ZNF804A: variants seen among roughly 807,000 people sequenced by gnomAD.
ZNF804A encodes the protein zinc finger protein 804A.
Under a neutral mutation model 16.5 loss-of-function variants are expected in ZNF804A, and 2 were observed. The observed-to-expected ratio is 0.12, with a 90% CI of 0.05 to 0.38. The LOEUF is 0.38. ZNF804A is among the 10% of genes least tolerant of loss of function. ZNF804A has a pLI of 0.99. For synonymous variants in ZNF804A, 534 were observed against 489.6 expected, an observed-to-expected ratio of 1.09 and a Z score of -1.20; for missense variants, 1,473 against 1,390.7, an observed-to-expected ratio of 1.06 and a Z score of -0.94.
intron 1 of ZNF804A, among the ~76,000 whole-genome samples, chr2:184,808,661 CA>C (rs953293623): frequency 3.1e-4 from 47 of 149,448 alleles, no homozygotes; most frequent in African/African-American, 1.1e-3. Flanking sequence ...TAAAGACACA[CA>C]AAAAAAAACT....
rs1685783705 is a variant in ZNF804A, at chr2:184,936,265, C to G, written c.869C>G (p.Thr290Ser). 1 of 1,613,850 alleles carries G rather than the reference C, an allele frequency of 6.2e-7. No homozygotes were observed. Among genetic ancestry groups the G allele is most frequent in the Non-Finnish European group, 8.5e-7 (1 of 1,179,958 alleles). The change falls in exon 4 of 4, where the codon ACT becomes AGT. Residue 290 changes from threonine to serine, a missense_variant. Physicochemically the swap from Thr to Ser is moderately conservative, Grantham distance 58. Transcript: ENST00000302277. ...PPEAMCRDKE[T>S]VQTQEIKEVS... ...GAGGCAATGTGCAGAGACAAAGAAA[C>G]TGTTCAAACTCAAGAGATAAAAGAA...
At chr2:184,755,569 A>G (rs1268184595) in intron 1 of ZNF804A, among the ~76,000 whole-genome samples, 1 of 151,986 alleles carries the variant, frequency 6.6e-6, no homozygotes, top group Non-Finnish European at 1.5e-5. Context: ...TGAGTTTTAG[A>G]ACGCAATAAA....
At chr2:184,783,145 T>TG (rs200269555) in intron 1 of ZNF804A, among the ~76,000 whole-genome samples, 3,995 of 137,696 alleles carry the variant, frequency 0.029, 181 homozygotes, top group African/African-American at 0.099. Context: ...TGAGTTTTTT[T>TG]TTTTTTTTTT....
intron 1 of ZNF804A, among the ~76,000 whole-genome samples, chr2:184,732,011 A>G (rs1693528338): frequency 6.6e-6 from 1 of 152,098 alleles, no homozygotes; most frequent in Non-Finnish European, 1.5e-5. Context: ...TTGTATTTTT[A>G]TCCTCTTGAC....
chr2:184,646,898 G>T (rs191985026), intron 1 of ZNF804A, among the ~76,000 whole-genome samples: 1 of 152,184 alleles, frequency 6.6e-6, no homozygotes, highest in Non-Finnish European at 1.5e-5. Context: ...TACTCATCTT[G>T]GCCCCTGCCA....
intron 1 of ZNF804A, among the ~76,000 whole-genome samples, chr2:184,679,160 G>C (rs776903978): frequency 5.3e-5 from 8 of 152,212 alleles, no homozygotes; most frequent in Non-Finnish European, 1.2e-4. Context: ...CGTAGATTCA[G>C]ACAAAAAATA....
intron 1 of ZNF804A, among the ~76,000 whole-genome samples, chr2:184,769,553 C>T (rs1297980394): frequency 2.6e-5 from 4 of 151,518 alleles, no homozygotes; most frequent in East Asian, 1.9e-4. Context: ...TTTATATAGG[C>T]GAAGAAATGG....
intron 1 of ZNF804A, among the ~76,000 whole-genome samples, chr2:184,773,829 T>G (rs1166148012): frequency 6.6e-6 from 1 of 151,808 alleles, no homozygotes; most frequent in Non-Finnish European, 1.5e-5. Flanking sequence ...TTATAAATGA[T>G]TAATAGGTCT....
At chr2:184,749,558 T>C (rs1002314016) in intron 1 of ZNF804A, among the ~76,000 whole-genome samples, 2 of 151,376 alleles carry the variant, frequency 1.3e-5, no homozygotes, top group Non-Finnish European at 3.0e-5. Context: ...CCTATTTGAA[T>C]GCCTTTTATT....
chr2:184,854,945 T>C (rs1695664074), intron 1 of ZNF804A, among the ~76,000 whole-genome samples: 1 of 152,018 alleles, frequency 6.6e-6, no homozygotes, highest in Non-Finnish European at 1.5e-5. Context: ...AGACACGACA[T>C]TAATTTAAAA....
chr2:184,695,655 C>T (rs184805307), intron 1 of ZNF804A, among the ~76,000 whole-genome samples: 1 of 151,968 alleles, frequency 6.6e-6, no homozygotes, highest in Admixed American at 6.6e-5. Context: ...TGGCCAAAAG[C>T]AATCCTCCCA....
Position 184,654,798 on chromosome 2 carries a change from C to T in ZNF804A, c.111+55728C>T, listed in dbSNP as rs143273342. 7.2e-3 allele frequency among the ~76,000 whole-genome samples: 1,091 copies of T among 152,214 alleles called. 8 individuals are homozygous for T. The highest frequency in any genetic ancestry group is 0.012 in the Non-Finnish European group (789 of 68,006). On this transcript the variant is annotated intron_variant, in intron 1 of 3. Coordinates refer to ENST00000302277, the MANE Select transcript of ZNF804A (RefSeq NM_194250.2). ...CATGTTAAGAAAAAGAATGCTTCTC[C>T]CTGTAATATGCTTTAGAACCAGGAA...
At chr2:184,794,164 T>C (rs1366339407) in intron 1 of ZNF804A, among the ~76,000 whole-genome samples, 3 of 152,152 alleles carry the variant, frequency 2.0e-5, no homozygotes, top group African/African-American at 7.2e-5. Context: ...TCCATAGCGG[T>C]TGTACTAGTT....
At chr2:184,884,842 G>T (rs1226982832) in intron 2 of ZNF804A, among the ~76,000 whole-genome samples, 1 of 152,076 alleles carries the variant, frequency 6.6e-6, no homozygotes, top group Non-Finnish European at 1.5e-5. Flanking sequence ...ACCAAAAATT[G>T]ACAAATGGGA....
chr2:184,833,112 C>A (rs1375899301), intron 1 of ZNF804A, among the ~76,000 whole-genome samples: 1 of 151,922 alleles, frequency 6.6e-6, no homozygotes, highest in East Asian at 1.9e-4. Context: ...ATATTCACAC[C>A]AGCAGTACCC....
In ZNF804A at chr2:184,936,943, G is replaced by A; in HGVS notation, c.1547G>A (p.Ser516Asn). ...EGLTDYEIGS[S>N]KNKCSQVTPL... is the part of the protein sequence containing the mutation. ...CTCACTGATTATGAAATTGGAAGTA[G>A]CAAAAATAAATGCAGCCAAGTCACT... The change falls in exon 4 of 4, where the codon AGC (serine) becomes AAC (asparagine). Residue 516 changes from serine (S) to asparagine (N), a missense_variant. Physicochemically the swap from Ser to Asn is conservative, Grantham distance 46. Coordinates refer to ENST00000302277, the MANE Select transcript of ZNF804A (RefSeq NM_194250.2). 6.2e-7 allele frequency: 1 copy of A among 1,613,944 alleles called. No individual in the cohort carries two copies. Among genetic ancestry groups the A allele is most frequent in the East Asian group, 2.2e-5 (1 of 44,838 alleles).
At position 184,937,182 on chromosome 2, in the gene ZNF804A, A is replaced by C. The variant is rs780798770; in HGVS notation, c.1786A>C (p.Lys596Gln). 16 of 1,596,902 alleles carry C rather than the reference A, an allele frequency of 1.0e-5. No homozygotes were observed. In the African/African-American group the frequency reaches 1.5e-4, roughly 15 times the overall value. ...HEYWFHKSRR[K>Q]KKRKKLCQHH... ...ATACTGGTTCCATAAAAGTAGAAGA[A>C]AGAAAAAAAGAAAAAAGTTATGTCA... Residue 596 changes from lysine to glutamine, a missense_variant, in exon 4 of 4, where the codon AAG (lysine) becomes CAG (glutamine). By Grantham distance (53) the Lys-to-Gln change is moderately conservative (BLOSUM62 1). Coordinates refer to ENST00000302277, the MANE Select transcript of ZNF804A (RefSeq NM_194250.2).
chr2:184,853,236 T>C (rs1164713018), intron 1 of ZNF804A, among the ~76,000 whole-genome samples: 1 of 151,964 alleles, frequency 6.6e-6, no homozygotes, highest in African/African-American at 2.4e-5. Context: ...TTGTTCATTA[T>C]TATTTTATAG....
chr2:184,938,626 CT>C lies in ZNF804A; in HGVS notation c.3231del (p.Ser1078AlafsTer18). 6.2e-7 allele frequency: 1 copy of C among 1,613,946 alleles called. No individual in the cohort carries two copies. The highest frequency in any genetic ancestry group is 8.5e-7 in the Non-Finnish European group (1 of 1,179,916). Reference protein sequence around the residue: ...FTFPPAALPPPSTPLQPLPLQ... With the variant: ...FTFPPAALPPXSTPLQPLPLQ... Reference sequence around the variant, plus strand: ...TTTCCTCCAGCTGCCCTCCCACCCCCTAGCACACCTCTGCAGCCTTTGCCTT... The same window carrying C: ...TTTCCTCCAGCTGCCCTCCCACCCCCAGCACACCTCTGCAGCCTTTGCCTT... On this transcript the variant is annotated frameshift_variant, in exon 4 of 4. Coordinates refer to ENST00000302277, the MANE Select transcript of ZNF804A (RefSeq NM_194250.2). LOFTEE classifies it low-confidence loss of function (END_TRUNC).
Sources: gnomAD v4.1 joint callset for allele counts (sites outside exome capture counted in the v4.1 genomes callset) on GRCh38, gnomAD v4.1.1 for gene constraint, MANE v1.5 for transcripts, NCBI Gene and HGNC (gene_info 2026-07-23, HGNC 2026-07-21) for gene names.